The following CDC14B variants were observed in gnomAD, a reference collection of about 807,000 sequenced individuals.
The protein encoded by CDC14B is cell division cycle 14B, also known as dual specificity protein phosphatase CDC14B.
CDC14B carries 22 observed loss-of-function variants against 64.2 expected under a neutral mutation model. The ratio of observed to expected loss-of-function variants is 0.34; its 90% confidence interval spans 0.24 to 0.49. The LOEUF is 0.49. Among genes scored for constraint, CDC14B ranks in the 20% least tolerant of loss-of-function variants. The pLI is 0.99. For synonymous variants in CDC14B, 191 were observed against 215.8 expected (o/e 0.89, Z 1.01); for missense variants, 498 against 629.9 (o/e 0.79, Z 2.24).
intron 1 of CDC14B, among the ~76,000 whole-genome samples, chr9:96,574,102 G>A (rs1160979241): frequency 7.9e-5 from 12 of 151,186 alleles, no homozygotes; most frequent in African/African-American, 2.4e-4. Context: ...CGCCGAGATC[G>A]CACCACTGAA....
At position 96,569,255 on chromosome 9, in the gene CDC14B, A is replaced by C. The variant is rs79000108; in HGVS notation, c.161-3772T>G. Among the ~76,000 whole-genome samples, 1,160 of 152,348 alleles carry C rather than the reference A, an allele frequency of 7.6e-3. 24 individuals are homozygous for C. The highest frequency in any genetic ancestry group is 0.026 in the African/African-American group (1,082 of 41,586). On this transcript the variant is annotated intron_variant, in intron 1 of 13. Transcript: ENST00000375241. ...TCTTGATCAAGATAGGAAGCATATAATGAGCACAGTATGAGGCAACCTGGA... is the reference window on the plus strand; with the variant it reads ...TCTTGATCAAGATAGGAAGCATATACTGAGCACAGTATGAGGCAACCTGGA...
intron 5 of CDC14B, 109 bp downstream of exon 5, chr9:96,551,687 T>A: frequency 6.9e-7 from 1 of 1,456,470 alleles, no homozygotes; most frequent in Non-Finnish European, 9.3e-7. Context: ...TTATTTGCGC[T>A]CATCCTAAAA....
downstream of CDC14B, chr9:96,496,175 C>T: frequency 2.4e-6 from 1 of 419,646 alleles, no homozygotes; most frequent in Non-Finnish European, 4.8e-6. Flanking sequence ...GCTGATGGCT[C>T]AATACCCAGT....
chr9:96,528,592 T>C (rs7021099), intron 9 of CDC14B, among the ~76,000 whole-genome samples: 7,925 of 152,164 alleles, frequency 0.052, 698 homozygotes, highest in African/African-American at 0.18. Context: ...TCTGTTCATA[T>C]CCCTGCTGTC....
At chr9:96,573,367 TAA>T (rs1844587691) in intron 1 of CDC14B, among the ~76,000 whole-genome samples, 2 of 151,764 alleles carry the variant, frequency 1.3e-5, no homozygotes, top group Admixed American at 1.3e-4. Flanking sequence ...AAATAAATAA[TAA>T]AGTTTTGCAA....
chr9:96,567,119 G>C (rs1373006445), intron 1 of CDC14B: 1 of 610,378 alleles, frequency 1.6e-6, no homozygotes, highest in Non-Finnish European at 2.6e-6. Context: ...CTGGGAACGC[G>C]GGGCGGCCTG....
At chr9:96,508,784 C>A (rs146051372) in intron 13 of CDC14B, among the ~76,000 whole-genome samples, 90 of 152,362 alleles carry the variant, frequency 5.9e-4, no homozygotes, top group African/African-American at 2.1e-3. Flanking sequence ...CTGCTTTGCA[C>A]TGGGGACTAA....
intron 1 of CDC14B, among the ~76,000 whole-genome samples, chr9:96,588,886 A>G (rs996492646): frequency 6.6e-6 from 1 of 152,212 alleles, no homozygotes; most frequent in African/African-American, 2.4e-5. Context: ...TTTATTATCT[A>G]TTTTATAACA....
At chr9:96,584,149 C>T (rs745342553) in intron 1 of CDC14B, among the ~76,000 whole-genome samples, 2 of 152,288 alleles carry the variant, frequency 1.3e-5, no homozygotes, top group East Asian at 1.9e-4. Context: ...CAGGACAGGA[C>T]GAATCATCTG....
intron 12 of CDC14B, among the ~76,000 whole-genome samples, chr9:96,518,684 G>A (rs1409625121): frequency 6.6e-6 from 1 of 152,136 alleles, no homozygotes; most frequent in Non-Finnish European, 1.5e-5. Context: ...TCACAGGGGT[G>A]AATATTTAAA....
intron 3 of CDC14B, among the ~76,000 whole-genome samples, chr9:96,564,340 T>C (rs1441869274): frequency 6.6e-6 from 1 of 152,232 alleles, no homozygotes; most frequent in African/African-American, 2.4e-5. Flanking sequence ...TACAGTATCA[T>C]GGGAGTTTCA....
chr9:96,597,759 G>A (rs1209699193), intron 1 of CDC14B, among the ~76,000 whole-genome samples: 1 of 152,166 alleles, frequency 6.6e-6, no homozygotes, highest in Non-Finnish European at 1.5e-5. Flanking sequence ...AATGGCCCTA[G>A]AAATGCTAAC....
At chr9:96,525,968 T>C (rs1393574764) in intron 9 of CDC14B, among the ~76,000 whole-genome samples, 1 of 152,182 alleles carries the variant, frequency 6.6e-6, no homozygotes, top group East Asian at 1.9e-4. Context: ...ATCCATATAT[T>C]GTTCTAAGTC....
At chr9:96,530,379 A>G (rs890820579) in intron 9 of CDC14B, among the ~76,000 whole-genome samples, 1 of 132,710 alleles carries the variant, frequency 7.5e-6, no homozygotes, top group East Asian at 2.1e-4. Flanking sequence ...TGCAACCTCC[A>G]CCTCCCAGAT....
chr9:96,582,562 C>G (rs1294477907), intron 1 of CDC14B, among the ~76,000 whole-genome samples: 1 of 152,164 alleles, frequency 6.6e-6, no homozygotes, highest in Non-Finnish European at 1.5e-5. Flanking sequence ...AGGGTGGATG[C>G]GTCAAGTTAT....
intron 1 of CDC14B, among the ~76,000 whole-genome samples, chr9:96,593,890 T>C (rs1455288848): frequency 2.0e-5 from 3 of 152,142 alleles, no homozygotes; most frequent in African/African-American, 7.2e-5. Flanking sequence ...TAAATGGTAT[T>C]AGGTAGCCAT....
chr9:96,601,044 T>A (rs1846406396), intron 1 of CDC14B, among the ~76,000 whole-genome samples: 1 of 152,188 alleles, frequency 6.6e-6, no homozygotes, highest in South Asian at 2.1e-4. Flanking sequence ...TTCCACTACA[T>A]TATATGAAAT....
intron 1 of CDC14B, among the ~76,000 whole-genome samples, chr9:96,586,093 G>A (rs1019108507): frequency 5.9e-5 from 9 of 151,792 alleles, no homozygotes; most frequent in Non-Finnish European, 2.9e-5. Context: ...CTTTAGCGTA[G>A]TTGTACACTT....
intron 1 of CDC14B, among the ~76,000 whole-genome samples, chr9:96,590,840 A>C (rs1300858709): frequency 6.6e-6 from 1 of 152,128 alleles, no homozygotes. Flanking sequence ...CTGGGCCTAC[A>C]TACAGGTGCA....
Sources: allele counts gnomAD v4.1 joint callset (sites outside exome capture counted in the v4.1 genomes callset), GRCh38; gene constraint gnomAD v4.1.1; transcripts MANE v1.5; gene names NCBI Gene and HGNC (gene_info 2026-07-23, HGNC 2026-07-21).